The following BACH2 variants were observed in gnomAD, a reference collection of about 807,000 sequenced individuals.
BACH2 encodes the protein BACH transcriptional regulator 2.
Under a neutral mutation model 61.8 loss-of-function variants are expected in BACH2, and 5 were observed. The ratio of observed to expected loss-of-function variants is 0.08; its 90% confidence interval spans 0.04 to 0.17. BACH2 has a LOEUF of 0.17. Ranked by LOEUF, BACH2 falls within the 10% of genes least tolerant of loss-of-function variation. The pLI is 1.00. For synonymous variants in BACH2, 446 were observed against 440.1 expected (o/e 1.01, Z -0.17); for missense variants, 824 against 1,091.1 (o/e 0.76, Z 3.45).
intron 4 of BACH2, among the ~76,000 whole-genome samples, chr6:90,132,432 C>A (rs1279417781): frequency 6.6e-6 from 1 of 152,166 alleles, no homozygotes; most frequent in East Asian, 1.9e-4. Flanking sequence ...CTTCCAGGCT[C>A]CTAGACTTGG....
chr6:90,284,768 C>A (rs1428299104), intron 1 of BACH2, among the ~76,000 whole-genome samples: 1 of 152,054 alleles, frequency 6.6e-6, no homozygotes, highest in Non-Finnish European at 1.5e-5. Flanking sequence ...ATTTTCCAAC[C>A]TTTCACTAAG....
chr6:90,055,549 G>C lies in BACH2; in HGVS notation c.-13+33412C>G, dbSNP rs897678018. 3.3e-5 allele frequency among the ~76,000 whole-genome samples: 5 copies of C among 151,962 alleles called. No homozygotes were observed. In the East Asian group the frequency reaches 9.6e-4, roughly 29 times the overall value. On this transcript the variant is annotated intron_variant, in intron 5 of 8. Coordinates refer to ENST00000257749, the MANE Select transcript of BACH2 (RefSeq NM_021813.4). ...ATGGAACCAAGTTGGAAAACACTCT[G>C]CAGGATATTATCCAGGAGAACTTCC...
intron 5 of BACH2, among the ~76,000 whole-genome samples, chr6:90,039,196 C>T (rs1377385387): frequency 1.3e-5 from 2 of 152,110 alleles, no homozygotes; most frequent in African/African-American, 4.8e-5. Flanking sequence ...GGCAGCTATC[C>T]GGGTTGTAGT....
chr6:90,290,448 T>C (rs1022455697), intron 1 of BACH2, among the ~76,000 whole-genome samples: 7 of 152,170 alleles, frequency 4.6e-5, no homozygotes, highest in African/African-American at 1.7e-4. Context: ...TAAGAGATAC[T>C]CAGTATATAT....
At chr6:90,285,078 G>C (rs1771976610) in intron 1 of BACH2, among the ~76,000 whole-genome samples, 1 of 152,138 alleles carries the variant, frequency 6.6e-6, no homozygotes, top group African/African-American at 2.4e-5. Flanking sequence ...GGATCAACTT[G>C]TATCTACAAA....
rs1289876437 is a variant in BACH2, at chr6:90,167,062, T to G, written c.-162+39507A>C. On this transcript the variant is annotated intron_variant, in intron 4 of 8. Transcript: ENST00000257749. The stretch of plus-strand genomic sequence containing the variant: ...CCTAAAACTTAAAGTATAATAATAA[T>G]AATAATAAATTTATGTGCTGTGGAC... Among the ~76,000 whole-genome samples, 3 of 152,150 alleles carry G rather than the reference T, an allele frequency of 2.0e-5. No homozygotes were observed. In the South Asian group the frequency reaches 6.2e-4, roughly 32 times the overall value.
intron 4 of BACH2, among the ~76,000 whole-genome samples, chr6:90,177,777 G>C (rs1056754899): frequency 1.3e-5 from 2 of 152,120 alleles, no homozygotes; most frequent in Non-Finnish European, 2.9e-5. Flanking sequence ...CCTCATGGGG[G>C]AAATGCCATC....
chr6:90,277,204 A>G (rs1001844935), intron 1 of BACH2, among the ~76,000 whole-genome samples: 3 of 152,204 alleles, frequency 2.0e-5, no homozygotes, highest in African/African-American at 7.2e-5. Flanking sequence ...TATGTTCTAG[A>G]ATCTTCACAT....
At chr6:90,181,455 AGTT>A (rs376840403) in intron 4 of BACH2, among the ~76,000 whole-genome samples, 39 of 152,042 alleles carry the variant, frequency 2.6e-4, no homozygotes, top group East Asian at 5.8e-4. Context: ...AAAGAGGAAA[AGTT>A]GTTGTTTTTT....
intron 6 of BACH2, among the ~76,000 whole-genome samples, chr6:89,958,092 T>C (rs1448677633): frequency 2.6e-5 from 4 of 152,176 alleles, no homozygotes; most frequent in Admixed American, 1.3e-4. Context: ...TTTGTAAGTT[T>C]TACTCCTGAG....
chr6:90,028,391 A>G (rs1214126164), intron 5 of BACH2, among the ~76,000 whole-genome samples: 1 of 152,220 alleles, frequency 6.6e-6, no homozygotes, highest in East Asian at 1.9e-4. Context: ...AGATTTGTTA[A>G]AAGTGCGTGC....
intron 4 of BACH2, among the ~76,000 whole-genome samples, chr6:90,188,431 T>C (rs936530031): frequency 3.3e-5 from 5 of 152,076 alleles, no homozygotes; most frequent in African/African-American, 1.2e-4. Context: ...TTCCTTGAAA[T>C]TCAAATTTTG....
At chr6:90,222,508 T>C (rs1173157104) in intron 3 of BACH2, among the ~76,000 whole-genome samples, 1 of 152,182 alleles carries the variant, frequency 6.6e-6, no homozygotes, top group Non-Finnish European at 1.5e-5. Flanking sequence ...ACAGAACCAT[T>C]ACATTTTTTT....
intron 5 of BACH2, among the ~76,000 whole-genome samples, chr6:90,048,849 G>T (rs1272460284): frequency 6.6e-6 from 1 of 152,176 alleles, no homozygotes; most frequent in Non-Finnish European, 1.5e-5. Context: ...GCTGAAGGAT[G>T]TAAGTTAAAT....
At chr6:90,019,730 A>T (rs981926098) in intron 5 of BACH2, among the ~76,000 whole-genome samples, 4 of 152,218 alleles carry the variant, frequency 2.6e-5, no homozygotes, top group African/African-American at 7.2e-5. Context: ...AATGGGGTGG[A>T]CAACAAATAT....
At chr6:90,194,638 C>T (rs567466444) in intron 4 of BACH2, among the ~76,000 whole-genome samples, 1 of 152,310 alleles carries the variant, frequency 6.6e-6, no homozygotes, top group Admixed American at 6.5e-5. Context: ...TATTTGGAAG[C>T]CCACTCCAAA....
intron 2 of BACH2, among the ~76,000 whole-genome samples, chr6:90,266,592 A>C (rs1209593041): frequency 6.6e-6 from 1 of 151,820 alleles, no homozygotes; most frequent in Non-Finnish European, 1.5e-5. Flanking sequence ...TGAAGTACTG[A>C]TACACACAAC....
At chr6:90,063,450 C>T (rs1780788693) in intron 5 of BACH2, among the ~76,000 whole-genome samples, 1 of 152,040 alleles carries the variant, frequency 6.6e-6, no homozygotes, top group African/African-American at 2.4e-5. Flanking sequence ...CTGGAAAAAA[C>T]AAATTGAAAG....
chr6:90,006,147 T>A (rs2127779716), intron 6 of BACH2, among the ~76,000 whole-genome samples: 1 of 152,330 alleles, frequency 6.6e-6, no homozygotes, highest in East Asian at 1.9e-4. Context: ...GGTATTGTAT[T>A]TTTGGTAAAT....
Sources: allele counts gnomAD v4.1 joint callset (sites outside exome capture counted in the v4.1 genomes callset), GRCh38; gene constraint gnomAD v4.1.1; transcripts MANE v1.5; gene names NCBI Gene and HGNC (gene_info 2026-07-23, HGNC 2026-07-21).